Variants in DYNC2H1 observed in about 807,000 individuals in gnomAD.
DYNC2H1 encodes cytoplasmic dynein 2 heavy chain 1.
In DYNC2H1, 410 loss-of-function variants were observed where a neutral mutation model predicts 570.0. The ratio of observed to expected loss-of-function variants is 0.72; its 90% CI spans 0.66 to 0.78. The LOEUF is 0.78. Ranked by LOEUF, DYNC2H1 falls within the 30% of genes least tolerant of loss-of-function variation. The probability of loss-of-function intolerance (pLI) is 0.00; values close to 1 mark genes in which losing one functional copy is unlikely to be tolerated. For missense variants in DYNC2H1, 4,865 were observed against 5,046.4 expected (o/e 0.96, Z 1.09); for synonymous variants, 1,688 against 1,677.6 (o/e 1.01, Z -0.15).
chr11:103,154,407 A>G (rs1860711470), intron 22 of DYNC2H1, 44 bp from the exon 23 acceptor site: 2 of 1,470,962 alleles, frequency 1.4e-6, no homozygotes, highest in Non-Finnish European at 1.8e-6. Context: ...CAGTATCAAT[A>G]TTTCTGTTTT....
At chr11:103,348,542 A>G (rs1361547046) in intron 82 of DYNC2H1, among the ~76,000 whole-genome samples, 3 of 152,154 alleles carry the variant, frequency 2.0e-5, no homozygotes, top group East Asian at 3.9e-4. Context: ...TAAAAGGACA[A>G]TACAGTTAAG....
intron 20 of DYNC2H1, among the ~76,000 whole-genome samples, chr11:103,149,178 G>A (rs1284032571): frequency 6.6e-6 from 1 of 152,184 alleles, no homozygotes; most frequent in East Asian, 1.9e-4. Flanking sequence ...TGGCATATTA[G>A]AGTAAGAGTA....
chr11:103,401,752 A>T (rs1196973536), intron 84 of DYNC2H1, among the ~76,000 whole-genome samples: 1 of 151,898 alleles, frequency 6.6e-6, no homozygotes, highest in Non-Finnish European at 1.5e-5. Context: ...CATAGCAAGC[A>T]CCCTACAAAT....
At position 103,197,918 on chromosome 11, in the gene DYNC2H1, CATTT is replaced by C. The variant is rs1862565121; in HGVS notation, c.7709-10_7709-7del. ...AGTAATGCATATAAAACAAAAATAT[CATTT>C]ATTTCCACAGATAGTTTCTACGTTA... On this transcript the variant is annotated splice_polypyrimidine_tract_variant and intron_variant, in intron 47 of 88. Coordinates refer to ENST00000375735, the MANE Select transcript of DYNC2H1 (RefSeq NM_001377.3). The C allele has an allele frequency of 1.3e-6, 2 of 1,559,816 alleles. No individual in the cohort carries two copies. Among genetic ancestry groups the C allele is most frequent in the Non-Finnish European group, 1.7e-6 (2 of 1,151,906 alleles).
intron 70 of DYNC2H1, among the ~76,000 whole-genome samples, chr11:103,278,668 G>A (rs1432435376): frequency 1.3e-5 from 2 of 152,182 alleles, no homozygotes; most frequent in East Asian, 1.9e-4. Context: ...CAGAGTTGAA[G>A]TGATTCTCCT....
intron 17 of DYNC2H1, among the ~76,000 whole-genome samples, chr11:103,138,095 T>C (rs906737290): frequency 4.0e-5 from 6 of 151,750 alleles, no homozygotes; most frequent in African/African-American, 1.5e-4. Flanking sequence ...GAGACTTTGC[T>C]GAAGTTGCTT....
Position 103,145,674 on chromosome 11 carries a change from A to G in DYNC2H1, c.2703-2098A>G, listed in dbSNP as rs1235079822. On this transcript the variant is annotated intron_variant, in intron 18 of 88. Coordinates refer to ENST00000375735, the MANE Select transcript of DYNC2H1 (RefSeq NM_001377.3). This position sits in a 1 kb window ranked among gnomAD's most constrained non-coding sequence, Gnocchi z 4.2. ...AATACATACATATGCACATACAAAC[A>G]TACACATTTATTTCATCGGTACTTT... is the stretch of plus-strand genomic sequence containing the variant. Among the ~76,000 whole-genome samples, 2 of 152,342 alleles carry G rather than the reference A, an allele frequency of 1.3e-5. No individual in the cohort carries two copies. The highest frequency in any genetic ancestry group is 4.1e-4 in the South Asian group (2 of 4,832).
At chr11:103,416,511 CT>C (rs1455316270) in intron 84 of DYNC2H1, among the ~76,000 whole-genome samples, 1 of 152,148 alleles carries the variant, frequency 6.6e-6, no homozygotes, top group East Asian at 1.9e-4. Flanking sequence ...TGCCACATAT[CT>C]ACAACCATCT....
At chr11:103,110,191 T>C (rs79219258) in intron 1 of DYNC2H1, among the ~76,000 whole-genome samples, 1 of 152,008 alleles carries the variant, frequency 6.6e-6, no homozygotes, top group Non-Finnish European at 1.5e-5. Flanking sequence ...GGCTAATTTT[T>C]GTATTTTCAG....
Position 103,156,706 on chromosome 11 carries a change from A to C in DYNC2H1, c.4063A>C (p.Ile1355Leu), listed in dbSNP as rs748529652. Residue 1355 changes from isoleucine (I) to leucine (L), a missense_variant, in exon 26 of 89, where the codon ATT becomes CTT. Ile to Leu is a conservative substitution (Grantham distance 5). Transcript: ENST00000375735. ...IQRKWVYLEP[I>L]FGRGALPKEQ... ...GAGAAAGTGGGTGTATTTGGAACCC[A>C]TTTTCGGCCGTGGAGCATTGCCAAA... The C allele has an allele frequency of 1.2e-6, 2 of 1,613,280 alleles. No homozygotes were observed. Among genetic ancestry groups the C allele is most frequent in the Admixed American group, 3.3e-5 (2 of 59,896 alleles).
chr11:103,409,537 A>T (rs1942997873), intron 84 of DYNC2H1: 1 of 152,234 alleles, frequency 6.6e-6, no homozygotes, highest in Non-Finnish European at 1.5e-5. Context: ...CCCTCTTCAG[A>T]CTAGCAGTTA....
At position 103,147,914 on chromosome 11, in the gene DYNC2H1, T is replaced by G; in HGVS notation, c.2818+27T>G. 8 of 1,472,766 alleles carry G rather than the reference T, an allele frequency of 5.4e-6. 1 individual carries two copies. The Middle Eastern group carries it at 5.6e-4, about 104-fold the overall frequency. The allele number at this position is 1,472,766 out of a possible 1,614,324, so 91.2% of individuals were successfully genotyped here. A position where few individuals can be genotyped will look rare whatever the true frequency, so the allele number is the denominator to read the frequency against. On this transcript the variant is annotated intron_variant, in intron 19 of 88. Transcript: ENST00000375735. ...TAAATACACATTTTAATTTTTATTT[T>G]TACTTAATTTGATATGTAGAAGCAT...
rs1591257135 is a variant in DYNC2H1 at position 103,114,170 on chromosome 11, T to C, written c.434T>C (p.Leu145Ser). 6.2e-7 allele frequency: 1 copy of C among 1,607,178 alleles called. No individual in the cohort carries two copies. Among genetic ancestry groups the C allele is most frequent in the Non-Finnish European group, 8.5e-7 (1 of 1,176,358 alleles). Reference sequence around the variant, plus strand: ...CTTTTGAGTGAACTAGAAGCTGGGTTGGGTATAGTTCTACGAAGATCAGAC... The same window carrying C: ...CTTTTGAGTGAACTAGAAGCTGGGTCGGGTATAGTTCTACGAAGATCAGAC... ...QNLLSELEAG[L>S]GIVLRRSDTN... is the part of the protein sequence containing the mutation. The change falls in exon 3 of 89, where the codon TTG becomes TCG. Residue 145 changes from leucine (L) to serine (S), a missense_variant. Transcript: ENST00000375735.
At chr11:103,422,821 T>C (rs1943533758) in intron 84 of DYNC2H1, among the ~76,000 whole-genome samples, 1 of 152,128 alleles carries the variant, frequency 6.6e-6, no homozygotes, top group African/African-American at 2.4e-5. Flanking sequence ...AACATAGTAT[T>C]GAAAGTTCTA....
intron 57 of DYNC2H1, among the ~76,000 whole-genome samples, chr11:103,221,137 TGTACTACC>T (rs1176379741): frequency 2.6e-5 from 4 of 151,966 alleles, no homozygotes; most frequent in Non-Finnish European, 5.9e-5. Flanking sequence ...TTAAGAGTCT[TGTACTACC>T]GAGAGAGGGA....
rs1447364077 is a variant in DYNC2H1 at position 103,120,473 on chromosome 11, G to T, written c.1026G>T (p.Glu342Asp). The change falls in exon 7 of 89, where the codon GAG (glutamate) becomes GAT (aspartate). Residue 342 changes from glutamate to aspartate, a missense_variant. Glu to Asp is a conservative substitution (Grantham distance 45, BLOSUM62 2). Transcript: ENST00000375735. The part of the protein sequence containing the change: ...EEVLAIRTIH[E>D]KFLYFLPASE... ...TCTTGGCTATTAGAACAATTCATGA[G>T]AAGTTTCTCTATTTTCTACCTGCCA... 1 of 1,611,284 alleles carries T rather than the reference G, an allele frequency of 6.2e-7. No homozygotes were observed. Among genetic ancestry groups the T allele is most frequent in the East Asian group, 2.2e-5 (1 of 44,780 alleles).
intron 17 of DYNC2H1, among the ~76,000 whole-genome samples, chr11:103,137,094 T>C (rs1859604933): frequency 6.8e-6 from 1 of 147,116 alleles, no homozygotes; most frequent in Admixed American, 6.8e-5. Context: ...TCTTGTAAAT[T>C]TGTTTGAGTT....
intron 11 of DYNC2H1, among the ~76,000 whole-genome samples, chr11:103,123,782 C>G (rs561022700): frequency 6.6e-6 from 1 of 151,964 alleles, no homozygotes; most frequent in East Asian, 1.9e-4. Flanking sequence ...TTTGTTCCTT[C>G]CACACAGCGT....
intron 70 of DYNC2H1, among the ~76,000 whole-genome samples, chr11:103,276,541 T>G (rs1335969081): frequency 6.6e-6 from 1 of 152,054 alleles, no homozygotes; most frequent in African/African-American, 2.4e-5. Context: ...TACAAGCTTA[T>G]TTTTAGAAAA....
Sources: gnomAD v4.1 joint callset for allele counts (sites outside exome capture counted in the v4.1 genomes callset) on GRCh38, gnomAD v4.1.1 for gene constraint, Gnocchi (gnomAD v3.1) non-coding constraint, MANE v1.5 for transcripts, NCBI Gene and HGNC (gene_info 2026-07-23, HGNC 2026-07-21) for gene names.